The following PHIP variants were observed in gnomAD, a reference collection of about 807,000 sequenced individuals.
The protein encoded by PHIP is PHIP subunit of CUL4-Ring ligase complex.
Under a neutral mutation model 236.8 loss-of-function variants are expected in PHIP, and 54 were observed. The ratio of observed to expected loss-of-function variants is 0.23; its 90% CI spans 0.18 to 0.29. PHIP has a LOEUF of 0.29. Ranked by LOEUF, PHIP falls within the 10% of genes least tolerant of loss-of-function variation. The pLI is 1.00. For synonymous variants in PHIP, 756 were observed against 718.9 expected (o/e 1.05, Z -0.83); for missense variants, 1,370 against 2,190.8 (o/e 0.63, Z 7.48).
intron 4 of PHIP, among the ~76,000 whole-genome samples, chr6:79,064,852 G>A (rs1773549792): frequency 6.6e-6 from 1 of 152,102 alleles, no homozygotes; most frequent in South Asian, 2.1e-4. Context: ...GCATAGACTT[G>A]CATAGCAAAC....
In PHIP at chr6:78,990,858, T is replaced by G. The variant is rs1199896663; in HGVS notation, c.2319+10A>C. On this transcript the variant is annotated intron_variant, in intron 20 of 39. Transcript: ENST00000275034. ...AGCAAATATTAAACATCAAAATAAT[T>G]AATATGTACCTTTGAGACAGTGGGT... The G allele has an allele frequency of 7.0e-7, 1 of 1,432,822 alleles. No individual in the cohort carries two copies. Among genetic ancestry groups the G allele is most frequent in the Non-Finnish European group, 9.7e-7 (1 of 1,030,926 alleles). 88.8% of individuals were successfully genotyped at this position (1,432,822 alleles called of 1,614,324 possible).
intron 7 of PHIP, among the ~76,000 whole-genome samples, chr6:79,031,057 C>A (rs1366634723): frequency 1.3e-5 from 2 of 152,066 alleles, no homozygotes; most frequent in East Asian, 3.9e-4. Context: ...GATTCTCCTG[C>A]CTCAGCCTCC....
At chr6:78,978,451 T>C (rs1768271509) in intron 24 of PHIP, 141 bp downstream of exon 24, 3 of 483,618 alleles carry the variant, frequency 6.2e-6, no homozygotes, top group East Asian at 6.6e-5. Context: ...TAATTGTACT[T>C]TCTCCATACA....
At chr6:79,044,522 C>A (rs1772375356) in intron 6 of PHIP, among the ~76,000 whole-genome samples, 1 of 152,132 alleles carries the variant, frequency 6.6e-6, no homozygotes, top group Admixed American at 6.6e-5. Context: ...AATTTTCCTG[C>A]CAAATGAGAA....
intron 6 of PHIP, among the ~76,000 whole-genome samples, chr6:79,047,419 A>G (rs1772556901): frequency 6.6e-6 from 1 of 152,242 alleles, no homozygotes; most frequent in South Asian, 2.1e-4. Context: ...TTAGAAAAGA[A>G]CATAAATGAA....
At chr6:78,973,108 T>C (rs997831853) in intron 24 of PHIP, among the ~76,000 whole-genome samples, 5 of 151,716 alleles carry the variant, frequency 3.3e-5, no homozygotes, top group Non-Finnish European at 7.4e-5. Flanking sequence ...AAGGAAAAAA[T>C]GTTAAGGGCA....
intron 4 of PHIP, among the ~76,000 whole-genome samples, chr6:79,065,853 T>C (rs2127776230): frequency 6.6e-6 from 1 of 151,992 alleles, no homozygotes; most frequent in African/African-American, 2.4e-5. Context: ...TTTCTACTTT[T>C]TCTAAACATT....
chr6:79,000,752 T>C (rs554014415), intron 17 of PHIP, among the ~76,000 whole-genome samples: 6 of 152,200 alleles, frequency 3.9e-5, no homozygotes, highest in African/African-American at 1.4e-4. Context: ...TCCATACTTC[T>C]CGAATACTAC....
chr6:78,989,651 GTATACA>G (rs1277987281), intron 20 of PHIP, among the ~76,000 whole-genome samples: 1 of 152,062 alleles, frequency 6.6e-6, no homozygotes, highest in Admixed American at 6.5e-5. Context: ...ATACATATAT[GTATACA>G]TATACATATC....
intron 28 of PHIP, 68 bp downstream of exon 28, chr6:78,965,877 C>T: frequency 7.9e-7 from 1 of 1,263,346 alleles, no homozygotes; most frequent in Non-Finnish European, 1.2e-6. Context: ...CTCTTTATCT[C>T]TTAATAGATG....
At chr6:78,980,706 C>T (rs907227873) in intron 23 of PHIP, among the ~76,000 whole-genome samples, 8 of 151,952 alleles carry the variant, frequency 5.3e-5, no homozygotes, top group Non-Finnish European at 1.0e-4. Context: ...TCACAGAGAT[C>T]CCACAACCCA....
intron 34 of PHIP, 32 bp from the exon 35 acceptor site, chr6:78,954,995 AAG>A: frequency 6.9e-7 from 1 of 1,453,824 alleles, no homozygotes; most frequent in Non-Finnish European, 9.2e-7. Context: ...ATATTAATAA[AAG>A]AGCACTTACA....
chr6:78,975,077 T>C (rs370609876), intron 24 of PHIP, among the ~76,000 whole-genome samples: 5 of 151,284 alleles, frequency 3.3e-5, no homozygotes, highest in Middle Eastern at 6.8e-3. Flanking sequence ...CCAAAAAAGA[T>C]AATTTTAGAC....
intron 7 of PHIP, among the ~76,000 whole-genome samples, chr6:79,033,401 A>C (rs1771768330): frequency 6.6e-6 from 1 of 152,210 alleles, no homozygotes; most frequent in South Asian, 2.1e-4. Flanking sequence ...TCTATTGCTT[A>C]GTGTAGCAAC....
Position 78,963,042 on chromosome 6 carries a change from T to C in PHIP, c.3535+55A>G, listed in dbSNP as rs746728482. On this transcript the variant is annotated intron_variant, in intron 30 of 39. Transcript: ENST00000275034. ...TTTTGTTGGAGAATAACAGTATTTT[T>C]CCATTACTTTGTGTTCTGCCAGTTT... is the stretch of plus-strand genomic sequence containing the variant. 2.4e-4 allele frequency: 361 copies of C among 1,481,040 alleles called. 1 individual carries two copies. In the Middle Eastern group the frequency reaches 6.1e-3, roughly 25 times the overall value. 91.7% of individuals were successfully genotyped at this position (1,481,040 alleles called of 1,614,324 possible). A position where few individuals can be genotyped will look rare whatever the true frequency, so the allele number is the denominator to read the frequency against.
rs1207337220 is a variant in PHIP at position 78,936,784 on chromosome 6, T to C, written c.*3909A>G. 1.3e-5 allele frequency: 2 copies of C among 151,886 alleles called. No individual in the cohort carries two copies. Among genetic ancestry groups the C allele is most frequent in the East Asian group, 1.9e-4 (1 of 5,200 alleles). 9.4% of individuals were successfully genotyped at this position (151,886 alleles called of 1,614,324 possible). A position where few individuals can be genotyped will look rare whatever the true frequency, so the allele number is the denominator to read the frequency against. ...CAATTTGACCTTTTCTTGGGTACTA[T>C]ACATAGTTCGTAATGACTTTTCATT... On this transcript the variant is annotated 3_prime_UTR_variant, in exon 40 of 40. Transcript: ENST00000275034.
Position 79,060,829 on chromosome 6 carries a change from A to G in PHIP, c.190-11T>C. ...TCTGTAATACTTCACCTATTATGTA[A>G]AAGACAAATATAGTAGGTTTCAGTT... On this transcript the variant is annotated splice_polypyrimidine_tract_variant and intron_variant, in intron 4 of 39. Transcript: ENST00000275034. The G allele has an allele frequency of 6.4e-7, 1 of 1,561,042 alleles. No homozygotes were observed. Among genetic ancestry groups the G allele is most frequent in the Non-Finnish European group, 8.7e-7 (1 of 1,144,380 alleles).
intron 4 of PHIP, chr6:79,067,836 A>G (rs1392342009): frequency 6.5e-6 from 1 of 152,780 alleles, no homozygotes; most frequent in Non-Finnish European, 1.5e-5. Context: ...TATATAAAGT[A>G]TTTCTAAAAT....
chr6:78,972,241 C>G (rs984156071), intron 24 of PHIP, among the ~76,000 whole-genome samples: 1 of 152,208 alleles, frequency 6.6e-6, no homozygotes. Flanking sequence ...AGCAGCCTAA[C>G]TGGGAGGCAC....
Sources: gnomAD v4.1 joint callset for allele counts (sites outside exome capture counted in the v4.1 genomes callset) on GRCh38, gnomAD v4.1.1 for gene constraint, MANE v1.5 for transcripts, NCBI Gene and HGNC (gene_info 2026-07-23, HGNC 2026-07-21) for gene names.